The following RBMS3 variants were observed in gnomAD, a reference collection of about 807,000 sequenced individuals.
RBMS3 encodes RNA-binding motif, single-stranded-interacting protein 3.
A neutral mutation model predicts 66.8 loss-of-function variants in RBMS3; 27 were observed. The observed-to-expected ratio is 0.40, with a 90% CI of 0.30 to 0.56. The LOEUF is 0.56. RBMS3 is among the 20% of genes least tolerant of loss of function. RBMS3 has a pLI of 0.40. For synonymous variants in RBMS3, 188 were observed against 183.0 expected (o/e 1.03, Z -0.22); for missense variants, 513 against 549.5 (o/e 0.93, Z 0.66).
intron 1 of RBMS3, among the ~76,000 whole-genome samples, chr3:29,348,782 G>A (rs1227412772): frequency 6.6e-6 from 1 of 152,058 alleles, no homozygotes; most frequent in Non-Finnish European, 1.5e-5. Context: ...GCAAATTGAG[G>A]CTCAATTCCG....
At chr3:29,618,798 G>A (rs113472989) in intron 4 of RBMS3, among the ~76,000 whole-genome samples, 5 of 152,036 alleles carry the variant, frequency 3.3e-5, no homozygotes, top group African/African-American at 7.3e-5. Flanking sequence ...AATACCTACC[G>A]TGCAGCCCAT....
intron 6 of RBMS3, among the ~76,000 whole-genome samples, chr3:29,864,323 T>A (rs1185876739): frequency 1.3e-5 from 2 of 152,114 alleles, no homozygotes; most frequent in Non-Finnish European, 1.5e-5. Context: ...TTAACGCAGA[T>A]AATAATAACA....
intron 4 of RBMS3, among the ~76,000 whole-genome samples, chr3:29,728,775 T>A (rs998950397): frequency 6.0e-5 from 9 of 151,170 alleles, no homozygotes; most frequent in Admixed American, 1.3e-4. Context: ...ACTGACAGAA[T>A]TTTAATGTAT....
chr3:29,962,947 G>T (rs865950651), intron 12 of RBMS3, among the ~76,000 whole-genome samples: 1 of 150,196 alleles, frequency 6.7e-6, no homozygotes, highest in South Asian at 2.1e-4. Context: ...AGATTTTATT[G>T]TGCATATATT....
chr3:29,872,240 C>A (rs901985519), intron 7 of RBMS3, among the ~76,000 whole-genome samples: 6 of 151,960 alleles, frequency 3.9e-5, no homozygotes, highest in African/African-American at 1.4e-4. Context: ...GAAATTAACT[C>A]ATCATGTGCT....
intron 1 of RBMS3, among the ~76,000 whole-genome samples, chr3:29,313,157 T>C (rs2034480681): frequency 6.6e-6 from 1 of 151,768 alleles, no homozygotes; most frequent in Non-Finnish European, 1.5e-5. Context: ...TTTTCAAACC[T>C]TGGAACGATG....
intron 4 of RBMS3, among the ~76,000 whole-genome samples, chr3:29,688,687 A>G (rs956615682): frequency 2.7e-4 from 39 of 144,708 alleles, no homozygotes; most frequent in Non-Finnish European, 8.9e-5. Flanking sequence ...GGTTCAAGCA[A>G]TTCTCTCACA....
intron 4 of RBMS3, among the ~76,000 whole-genome samples, chr3:29,680,373 C>T (rs974343771): frequency 1.3e-5 from 2 of 152,136 alleles, no homozygotes; most frequent in African/African-American, 2.4e-5. Flanking sequence ...ATGAGCATAG[C>T]GAGTTCTAAG....
At chr3:29,639,593 C>CAGAGAGAGAG (rs60712857) in intron 4 of RBMS3, among the ~76,000 whole-genome samples, 1,818 of 143,138 alleles carry the variant, frequency 0.013, 33 homozygotes, top group East Asian at 0.053. Flanking sequence ...AGAAGATAGA[C>CAGAGAGAGAG]AGAGAGAGAG....
At chr3:29,336,673 G>A (rs901823477) in intron 1 of RBMS3, among the ~76,000 whole-genome samples, 2 of 152,082 alleles carry the variant, frequency 1.3e-5, no homozygotes, top group Non-Finnish European at 2.9e-5. Flanking sequence ...CTTATACAGA[G>A]ATATATCTTG....
intron 3 of RBMS3, among the ~76,000 whole-genome samples, chr3:29,523,874 A>G (rs1170795084): frequency 6.6e-6 from 1 of 152,064 alleles, no homozygotes; most frequent in Non-Finnish European, 1.5e-5. Flanking sequence ...AGCTGGGATT[A>G]CAGAAATTTG....
chr3:29,383,712 G>C (rs2038874765), intron 1 of RBMS3, among the ~76,000 whole-genome samples: 1 of 152,134 alleles, frequency 6.6e-6, no homozygotes. Flanking sequence ...GCAATGTGTT[G>C]TAGTAGCTAA....
intron 4 of RBMS3, among the ~76,000 whole-genome samples, chr3:29,671,694 T>A (rs1333136732): frequency 6.6e-6 from 1 of 152,016 alleles, no homozygotes; most frequent in African/African-American, 2.4e-5. Flanking sequence ...TGATTGAAGA[T>A]CAAATTAATG....
At chr3:29,485,073 C>A (rs951386699) in intron 2 of RBMS3, among the ~76,000 whole-genome samples, 5 of 152,056 alleles carry the variant, frequency 3.3e-5, no homozygotes, top group Admixed American at 2.6e-4. Flanking sequence ...GAAGAGTAGA[C>A]CCATAATAAC....
intron 2 of RBMS3, among the ~76,000 whole-genome samples, chr3:29,472,670 C>T (rs528335128): frequency 1.0e-3 from 155 of 151,820 alleles, no homozygotes; most frequent in African/African-American, 3.4e-3. Flanking sequence ...GCTCTTAAGG[C>T]GGCGCGTCTG....
chr3:29,510,489 G>A (rs187530726), intron 3 of RBMS3, among the ~76,000 whole-genome samples: 1 of 152,262 alleles, frequency 6.6e-6, no homozygotes, highest in Admixed American at 6.5e-5. Flanking sequence ...TATTGCCTAT[G>A]TCAAATAATG....
chr3:29,931,665 A>G (rs1039512935), intron 10 of RBMS3, among the ~76,000 whole-genome samples: 2 of 141,952 alleles, frequency 1.4e-5, no homozygotes, highest in African/African-American at 2.5e-5. Context: ...AACAGTTGAC[A>G]TCAACAAATG....
At chr3:29,400,301 A>G (rs1453054917) in intron 1 of RBMS3, among the ~76,000 whole-genome samples, 1 of 152,102 alleles carries the variant, frequency 6.6e-6, no homozygotes, top group Admixed American at 6.6e-5. Flanking sequence ...ACGTTATGCT[A>G]AGTGAAATAG....
Position 29,790,611 on chromosome 3 carries a change from C to T in RBMS3, c.637+27622C>T, listed in dbSNP as rs143641482. 5.0e-3 allele frequency among the ~76,000 whole-genome samples: 759 copies of T among 152,220 alleles called. 6 individuals are homozygous for T. Among genetic ancestry groups the T allele is most frequent in the African/African-American group, 0.018 (728 of 41,542 alleles). On this transcript the variant is annotated intron_variant, in intron 6 of 14. Coordinates refer to ENST00000383767, the MANE Select transcript of RBMS3 (RefSeq NM_001003793.3). Reference sequence around the variant, plus strand: ...CAGAGATTCTCTAAAATGACCCAGCCAATACTCCCTCCACCTTTCATTTCT... The same window carrying T: ...CAGAGATTCTCTAAAATGACCCAGCTAATACTCCCTCCACCTTTCATTTCT...
Sources: gnomAD v4.1 joint callset for allele counts (sites outside exome capture counted in the v4.1 genomes callset) on GRCh38, gnomAD v4.1.1 for gene constraint, MANE v1.5 for transcripts, NCBI Gene and HGNC (gene_info 2026-07-23, HGNC 2026-07-21) for gene names.